The following CSMD1 variants were observed in gnomAD, a reference collection of about 807,000 sequenced individuals.
CSMD1 encodes CUB and Sushi multiple domains 1, also known as CUB and sushi domain-containing protein 1.
CSMD1 carries 213 observed loss-of-function variants against 417.5 expected under a neutral mutation model. That is an observed-to-expected ratio of 0.51 (90% CI 0.46 to 0.57). The LOEUF (loss-of-function observed/expected upper bound fraction) is 0.57, where lower values mean the gene tolerates loss of function less well. CSMD1 is among the 20% of genes least tolerant of loss of function. The pLI is 0.00. For missense variants in CSMD1, 6,923 were observed against 4,529.7 expected, an observed-to-expected ratio of 1.53 and a Z score of -15.17; for synonymous variants, 2,862 against 1,736.8, an observed-to-expected ratio of 1.65 and a Z score of -16.11.
intron 5 of CSMD1, among the ~76,000 whole-genome samples, chr8:3,910,111 A>T (rs1397426551): frequency 6.6e-6 from 1 of 152,202 alleles, no homozygotes; most frequent in Admixed American, 6.5e-5. Flanking sequence ...CGGAACATCA[A>T]CTGTGGATAA....
At chr8:3,884,809 C>T (rs1048173927) in intron 5 of CSMD1, among the ~76,000 whole-genome samples, 4 of 151,736 alleles carry the variant, frequency 2.6e-5, no homozygotes, top group Non-Finnish European at 5.9e-5. Flanking sequence ...TGGTACGCTA[C>T]GCAAGGAGAA....
At chr8:4,740,712 C>T (rs968467353) in intron 1 of CSMD1, among the ~76,000 whole-genome samples, 1 of 152,142 alleles carries the variant, frequency 6.6e-6, no homozygotes, top group African/African-American at 2.4e-5. Context: ...AGTGAGCCAT[C>T]TCTGCACTCT....
At chr8:3,839,857 C>T (rs890441676) in intron 5 of CSMD1, among the ~76,000 whole-genome samples, 3 of 151,734 alleles carry the variant, frequency 2.0e-5, no homozygotes, top group South Asian at 2.1e-4. Flanking sequence ...GCCTCTTCTA[C>T]GGGCGGCAGT....
chr8:4,044,514 C>T (rs2130654500), intron 3 of CSMD1, among the ~76,000 whole-genome samples: 1 of 152,298 alleles, frequency 6.6e-6, no homozygotes, highest in East Asian at 1.9e-4. Context: ...GGAGGAAGGA[C>T]AGTCAGGAGG....
chr8:3,068,507 C>T (rs1813097816), intron 49 of CSMD1, among the ~76,000 whole-genome samples: 5 of 152,134 alleles, frequency 3.3e-5, no homozygotes, highest in Non-Finnish European at 4.4e-5. Context: ...AGGCCATTCT[C>T]GCATTGCTAT....
At chr8:3,893,339 T>TTTTATATATATATATA (rs1554476820) in intron 5 of CSMD1, among the ~76,000 whole-genome samples, 5 of 80,440 alleles carry the variant, frequency 6.2e-5, no homozygotes, top group Non-Finnish European at 1.4e-4. Flanking sequence ...ATTCACAATT[T>TTTTATATATATATATA]TATATATATA....
rs150777411 is a variant in CSMD1, at chr8:3,571,335, T to C, written c.1344+3610A>G. Among the ~76,000 whole-genome samples the C allele has an allele frequency of 3.7e-3, 563 of 152,306 alleles. 3 individuals are homozygous for C. Among genetic ancestry groups the C allele is most frequent in the African/African-American group, 0.013 (542 of 41,566 alleles). ...GGCACCTTGCTATCTCTGTGCCTAA[T>C]AGCATACACATCTCCTACATAAAGA... On this transcript the variant is annotated intron_variant, in intron 10 of 69. Coordinates refer to ENST00000635120, the MANE Select transcript of CSMD1 (RefSeq NM_033225.6).
chr8:4,025,040 C>T (rs983080761), intron 4 of CSMD1, among the ~76,000 whole-genome samples: 16 of 151,834 alleles, frequency 1.1e-4, no homozygotes, highest in Admixed American at 2.0e-4. Flanking sequence ...ATTAGGCAGC[C>T]GGGACAACAT....
At chr8:3,118,630 G>C (rs1408468152) in intron 41 of CSMD1, 43 bp from the exon 42 acceptor site, 1 of 1,564,208 alleles carries the variant, frequency 6.4e-7, no homozygotes, top group South Asian at 1.2e-5. Context: ...TATTTGTGAG[G>C]TTAAATTACT....
At chr8:4,705,327 A>G (rs1807858139) in intron 1 of CSMD1, among the ~76,000 whole-genome samples, 1 of 152,192 alleles carries the variant, frequency 6.6e-6, no homozygotes, top group South Asian at 2.1e-4. Flanking sequence ...TATGTTCTAG[A>G]GACTCCATTC....
At chr8:2,962,697 A>C (rs527975403) in intron 60 of CSMD1, 58 bp from the exon 61 acceptor site, 2 of 1,532,010 alleles carry the variant, frequency 1.3e-6, no homozygotes, top group Non-Finnish European at 8.9e-7. Flanking sequence ...AGCTTCACCA[A>C]TTGAGCTTGG....
In CSMD1 at chr8:4,211,980, G is replaced by A. The variant is rs537814105; in HGVS notation, c.416-179881C>T. ...ATCTTAGAGACATTTTTAGCAGTAT[G>A]TCTTCTGTTATAAAATAGCAGTTGA... On this transcript the variant is annotated intron_variant, in intron 3 of 69. Transcript: ENST00000635120. Among the ~76,000 whole-genome samples, 17 of 152,174 alleles carry A rather than the reference G, an allele frequency of 1.1e-4. 1 individual carries two copies. The highest frequency in any genetic ancestry group is 3.4e-3 in the Middle Eastern group (1 of 294).
At chr8:4,666,756 A>G (rs1318072325) in intron 1 of CSMD1, among the ~76,000 whole-genome samples, 1 of 152,122 alleles carries the variant, frequency 6.6e-6, no homozygotes, top group Non-Finnish European at 1.5e-5. Flanking sequence ...CAAGTCCTTC[A>G]TCAGATATGT....
chr8:4,444,782 A>G (rs1798683912), intron 2 of CSMD1, among the ~76,000 whole-genome samples: 1 of 152,184 alleles, frequency 6.6e-6, no homozygotes, highest in Non-Finnish European at 1.5e-5. Flanking sequence ...TTTGACTAAG[A>G]ACATATTATT....
intron 3 of CSMD1, among the ~76,000 whole-genome samples, chr8:4,081,980 T>G (rs1328127451): frequency 6.6e-6 from 1 of 152,028 alleles, no homozygotes; most frequent in Non-Finnish European, 1.5e-5. Flanking sequence ...AGATTCTGCC[T>G]CAGGAAGTTA....
At chr8:4,361,533 C>T (rs1383044160) in intron 3 of CSMD1, among the ~76,000 whole-genome samples, 1 of 152,148 alleles carries the variant, frequency 6.6e-6, no homozygotes, top group Non-Finnish European at 1.5e-5. Context: ...GTAACGACCA[C>T]GGTCCTACAA....
intron 5 of CSMD1, among the ~76,000 whole-genome samples, chr8:3,883,397 G>A (rs76615335): frequency 6.6e-6 from 1 of 151,866 alleles, no homozygotes; most frequent in African/African-American, 2.4e-5. Flanking sequence ...TTTTAAACTG[G>A]GTGTATGTGT....
At chr8:4,486,204 C>T (rs868682878) in intron 2 of CSMD1, among the ~76,000 whole-genome samples, 18 of 16,882 alleles carry the variant, frequency 1.1e-3, no homozygotes, top group South Asian at 2.0e-3. Context: ...TATATACATA[C>T]ATATATATAT....
At chr8:3,086,842 G>C (rs973470565) in intron 49 of CSMD1, among the ~76,000 whole-genome samples, 2 of 152,172 alleles carry the variant, frequency 1.3e-5, no homozygotes, top group African/African-American at 2.4e-5. Context: ...TTTACTTCAA[G>C]AGGAAGTACA....
Sources: gnomAD v4.1 joint callset for allele counts (sites outside exome capture counted in the v4.1 genomes callset) on GRCh38, gnomAD v4.1.1 for gene constraint, MANE v1.5 for transcripts, NCBI Gene and HGNC (gene_info 2026-07-23, HGNC 2026-07-21) for gene names.